The following MGMT variants were observed in gnomAD, a reference collection of about 807,000 sequenced individuals.
The protein encoded by MGMT is O-6-methylguanine-DNA methyltransferase.
MGMT carries 14 observed loss-of-function variants against 15.9 expected under a neutral mutation model. That is an observed-to-expected ratio of 0.88 (90% CI 0.58 to 1.37). The LOEUF (loss-of-function observed/expected upper bound fraction) is 1.37, where lower values mean the gene tolerates loss of function less well. Ranked by LOEUF, MGMT falls within the 40% of genes most tolerant of loss-of-function variation. The pLI, the probability that MGMT is intolerant of heterozygous loss-of-function variation, is 0.00. For missense variants in MGMT, 282 were observed against 268.1 expected (o/e 1.05, Z -0.36); for synonymous variants, 130 against 118.2 (o/e 1.10, Z -0.65).
At chr10:129,479,621 G>A (rs1369947454) in intron 1 of MGMT, among the ~76,000 whole-genome samples, 3 of 152,078 alleles carry the variant, frequency 2.0e-5, no homozygotes, top group Non-Finnish European at 2.9e-5. Flanking sequence ...TGGAGGTGGT[G>A]GAAAGCTTTT....
intron 2 of MGMT, among the ~76,000 whole-genome samples, chr10:129,591,871 CAGTG>C (rs1846690704): frequency 6.6e-6 from 1 of 152,206 alleles, no homozygotes; most frequent in South Asian, 2.1e-4. Context: ...GCAGAGATCA[CAGTG>C]AGCCGAGATG....
chr10:129,687,147 T>A (rs1228311921), intron 2 of MGMT, among the ~76,000 whole-genome samples: 1 of 152,160 alleles, frequency 6.6e-6, no homozygotes, highest in Non-Finnish European at 1.5e-5. Context: ...ATTTTTTTAT[T>A]TAATTTATTT....
chr10:129,766,829 C>T lies in MGMT; in HGVS notation c.456C>T (p.Ser152=), dbSNP rs1463290575. The change falls in exon 5 of 5, where the codon AGC becomes AGT. Residue 152 remains serine (S), a synonymous_variant. Transcript: ENST00000651593. ...LIPCHRVVCS[S]GAVGNYSGGL... ...CGTGCCACAGAGTGGTCTGCAGCAG[C>T]GGAGCCGTGGGCAACTACTCCGGAG... 10 of 1,613,352 alleles carry T rather than the reference C, an allele frequency of 6.2e-6. No homozygotes were observed. The Admixed American group carries it at 6.7e-5, about 11-fold the overall frequency.
intron 3 of MGMT, among the ~76,000 whole-genome samples, chr10:129,708,584 T>G (rs1437541212): frequency 6.6e-6 from 1 of 152,230 alleles, no homozygotes; most frequent in Non-Finnish European, 1.5e-5. Context: ...GTAGCCTGCT[T>G]AAGGCTTGTG....
intron 2 of MGMT, among the ~76,000 whole-genome samples, chr10:129,646,925 G>T (rs1036192170): frequency 6.6e-6 from 1 of 150,996 alleles, no homozygotes; most frequent in African/African-American, 2.4e-5. Context: ...CCGCCCCTCC[G>T]TCCTCTTTCC....
At chr10:129,525,819 G>A (rs150686839) in intron 1 of MGMT, among the ~76,000 whole-genome samples, 7 of 152,222 alleles carry the variant, frequency 4.6e-5, no homozygotes, top group African/African-American at 1.4e-4. Context: ...GTTTGCATGC[G>A]TGTAGCCGGG....
At position 129,642,501 on chromosome 10, in the gene MGMT, A is replaced by G. The variant is rs56038467; in HGVS notation, c.126-65394A>G. 2.0e-3 allele frequency among the ~76,000 whole-genome samples: 300 copies of G among 152,288 alleles called. 2 individuals are homozygous for G. The highest frequency in any genetic ancestry group is 2.5e-3 in the Non-Finnish European group (173 of 68,020). On this transcript the variant is annotated intron_variant, in intron 2 of 4. Coordinates refer to ENST00000651593, the MANE Select transcript of MGMT (RefSeq NM_002412.5). ...GAATATGCTTTTAAAAATAGTGATTATCTCTGAAGGTGGGATTGTGGCTAA... is the reference window on the plus strand; with the variant it reads ...GAATATGCTTTTAAAAATAGTGATTGTCTCTGAAGGTGGGATTGTGGCTAA...
At chr10:129,496,838 G>T (rs1327975453) in intron 1 of MGMT, among the ~76,000 whole-genome samples, 1 of 152,036 alleles carries the variant, frequency 6.6e-6, no homozygotes, top group African/African-American at 2.4e-5. Flanking sequence ...ATTTATTTTT[G>T]TTTTGTTAAT....
intron 1 of MGMT, among the ~76,000 whole-genome samples, chr10:129,478,245 C>G (rs1327985441): frequency 6.6e-6 from 1 of 152,148 alleles, no homozygotes; most frequent in Non-Finnish European, 1.5e-5. Context: ...TTTTTCCCCC[C>G]CTCCAGATTG....
intron 2 of MGMT, among the ~76,000 whole-genome samples, chr10:129,642,856 C>T (rs544935965): frequency 2.8e-4 from 43 of 152,086 alleles, no homozygotes; most frequent in South Asian, 1.0e-3. Context: ...CACCTGAGCC[C>T]CGAAGTTCAA....
chr10:129,693,981 G>C (rs929701379), intron 2 of MGMT: 2 of 152,242 alleles, frequency 1.3e-5, no homozygotes, highest in African/African-American at 2.4e-5. Flanking sequence ...CTCAGAATGA[G>C]GTGGCCTGAG....
chr10:129,677,649 C>T (rs1014028336), intron 2 of MGMT, among the ~76,000 whole-genome samples: 3 of 152,238 alleles, frequency 2.0e-5, no homozygotes, highest in Non-Finnish European at 4.4e-5. Context: ...CTGCCTGCCT[C>T]CTCGTCCCTG....
intron 1 of MGMT, among the ~76,000 whole-genome samples, chr10:129,495,481 A>G (rs938650415): frequency 4.6e-5 from 7 of 152,228 alleles, no homozygotes; most frequent in African/African-American, 1.7e-4. Flanking sequence ...CCAAGTGATG[A>G]GAGACCATCT....
intron 2 of MGMT, among the ~76,000 whole-genome samples, chr10:129,705,938 C>T (rs532390358): frequency 1.2e-4 from 18 of 152,236 alleles, no homozygotes; most frequent in African/African-American, 2.9e-4. Context: ...AGGCTGAATC[C>T]GCACAGAGCT....
At chr10:129,730,453 G>C (rs1183591812) in intron 3 of MGMT, among the ~76,000 whole-genome samples, 1 of 152,216 alleles carries the variant, frequency 6.6e-6, no homozygotes, top group East Asian at 1.9e-4. Context: ...TCATTCTACT[G>C]CAGAGGAGGC....
intron 2 of MGMT, among the ~76,000 whole-genome samples, chr10:129,582,066 G>T (rs1368201721): frequency 6.6e-6 from 1 of 152,202 alleles, no homozygotes; most frequent in East Asian, 1.9e-4. Flanking sequence ...GTGAGGGGGT[G>T]AATTCCTCCT....
intron 4 of MGMT, among the ~76,000 whole-genome samples, chr10:129,764,272 C>T (rs568419537): frequency 2.6e-5 from 4 of 150,998 alleles, no homozygotes; most frequent in African/African-American, 9.9e-5. Flanking sequence ...GTCGAAGATG[C>T]AGCAGCATCA....
chr10:129,597,894 A>G (rs1846769708), intron 2 of MGMT, among the ~76,000 whole-genome samples: 1 of 152,340 alleles, frequency 6.6e-6, no homozygotes, highest in Middle Eastern at 3.4e-3. Flanking sequence ...AAAAAATGGC[A>G]TAGGGCATTT....
intron 2 of MGMT, among the ~76,000 whole-genome samples, chr10:129,543,453 C>T (rs921505840): frequency 2.3e-4 from 35 of 152,102 alleles, no homozygotes; most frequent in African/African-American, 7.7e-4. Flanking sequence ...AGAGCTGCCT[C>T]GCCACAGAAG....
Sources: allele counts gnomAD v4.1 joint callset (sites outside exome capture counted in the v4.1 genomes callset), GRCh38; gene constraint gnomAD v4.1.1; transcripts MANE v1.5; gene names NCBI Gene and HGNC (gene_info 2026-07-23, HGNC 2026-07-21).